Variants in FMR1 observed in about 807,000 individuals in gnomAD.
The protein encoded by FMR1 is FMRP translational regulator 1.
A neutral mutation model predicts 50.6 loss-of-function variants in FMR1; 13 were observed. The observed-to-expected ratio is 0.26, with a 90% CI of 0.17 to 0.41. The LOEUF is 0.41. FMR1 is among the 10% of genes least tolerant of loss of function. The pLI is 1.00. For missense variants in FMR1, 316 were observed against 491.3 expected (o/e 0.64, Z 3.37); for synonymous variants, 138 against 164.1 (o/e 0.84, Z 1.22).
In FMR1 at chrX:147,913,436, G is replaced by T. The variant is rs980481056; in HGVS notation, c.51+1206G>T. ...TTACTACAGTATTTTGGCAATAGAA[G>T]GTGCGTGTGGAAGGAAGGCTGGAAA... On this transcript the variant is annotated intron_variant, in intron 1 of 16. Transcript: ENST00000370475. The T allele has an allele frequency of 2.7e-5, 3 of 111,815 alleles. No individual in the cohort carries two copies. The East Asian group carries it at 8.4e-4, about 31-fold the overall frequency. The allele number at this position is 111,815 out of a possible 1,213,427, so 9.2% of individuals were successfully genotyped here. A position where few individuals can be genotyped will look rare whatever the true frequency, so the allele number is the denominator to read the frequency against.
intron 3 of FMR1, chrX:147,927,602 C>CT (rs1444560393): frequency 9.0e-6 from 1 of 111,283 alleles, no homozygotes; most frequent in East Asian, 2.8e-4. Context: ...ACTCTGTTGT[C>CT]TCTTTTCCTA....
At chrX:147,920,368 G>A (rs1333695007) in intron 1 of FMR1, among the ~76,000 whole-genome samples, 1 of 111,627 alleles carries the variant, frequency 9.0e-6, no homozygotes, top group African/African-American at 3.3e-5. Flanking sequence ...AAACCTTTAT[G>A]CCTGCTGCCC....
chrX:147,949,177 C>T lies in FMR1; in HGVS notation c.*333C>T, dbSNP rs1557182853. 2.7e-6 allele frequency: 1 copy of T among 367,257 alleles called. No homozygotes were observed. The highest frequency in any genetic ancestry group is 3.0e-5 in the Admixed American group (1 of 33,294). 30.3% of individuals were successfully genotyped at this position (367,257 alleles called of 1,213,427 possible). On this transcript the variant is annotated 3_prime_UTR_variant, in exon 17 of 17. Coordinates refer to ENST00000370475, the MANE Select transcript of FMR1 (RefSeq NM_002024.6). Reference sequence around the variant, plus strand: ...TGCATTGGGTGATCATTCACCAGTACATTCTCAGTTTTTCTTAATATATAG... The same window carrying T: ...TGCATTGGGTGATCATTCACCAGTATATTCTCAGTTTTTCTTAATATATAG...
intron 7 of FMR1, among the ~76,000 whole-genome samples, chrX:147,931,562 GA>G (rs1362349038): frequency 3.6e-5 from 4 of 111,658 alleles, no homozygotes; most frequent in Admixed American, 1.9e-4. Context: ...GTTCCTATAA[GA>G]AATTCCCATT....
chrX:147,940,388 T>C, intron 12 of FMR1, 188 bp from the exon 13 acceptor site: 1 of 437,054 alleles, frequency 2.3e-6, no homozygotes, highest in Non-Finnish European at 4.1e-6. Flanking sequence ...GATCTATTCG[T>C]ATTCACAGTA....
At chrX:147,918,501 ACT>A (rs1412338806) in intron 1 of FMR1, among the ~76,000 whole-genome samples, 1 of 96,483 alleles carries the variant, frequency 1.0e-5, no homozygotes, top group African/African-American at 4.0e-5. Flanking sequence ...CATTTCTGAC[ACT>A]CTGACACTAC....
intron 14 of FMR1, chrX:147,943,633 G>T: frequency 3.6e-6 from 1 of 276,242 alleles, no homozygotes; most frequent in Non-Finnish European, 6.4e-6. Flanking sequence ...TTTTTCATTT[G>T]TGTACTGTGG....
rs1557183316 is a variant in FMR1, at chrX:147,950,199, C to T, written c.*1355C>T. The T allele has an allele frequency of 3.0e-6, 1 of 328,373 alleles. No individual in the cohort carries two copies. Among genetic ancestry groups the T allele is most frequent in the Non-Finnish European group, 5.9e-6 (1 of 169,626 alleles). The allele number at this position is 328,373 out of a possible 1,213,427, so 27.1% of individuals were successfully genotyped here. A position where few individuals can be genotyped will look rare whatever the true frequency, so the allele number is the denominator to read the frequency against. Reference sequence around the variant, plus strand: ...GGGGTACCACTGAATCTGTACAGAGCCGTAAAAACTGAAGTTCTGCCTCTG... The same window carrying T: ...GGGGTACCACTGAATCTGTACAGAGTCGTAAAAACTGAAGTTCTGCCTCTG... On this transcript the variant is annotated 3_prime_UTR_variant, in exon 17 of 17. Coordinates refer to ENST00000370475, the MANE Select transcript of FMR1 (RefSeq NM_002024.6).
Position 147,948,909 on chromosome X carries a change from CT to C in FMR1, c.*68del. The stretch of plus-strand genomic sequence containing the variant: ...GTAATTCTTATTCCATATTAGAAAA[CT>C]TTGTTAGGCCAAAGACAAATAGTAG... On this transcript the variant is annotated 3_prime_UTR_variant, in exon 17 of 17. Coordinates refer to ENST00000370475, the MANE Select transcript of FMR1 (RefSeq NM_002024.6). 9.4e-7 allele frequency: 1 copy of C among 1,068,379 alleles called. No homozygotes were observed. Among genetic ancestry groups the C allele is most frequent in the African/African-American group, 1.8e-5 (1 of 54,979 alleles). 88.0% of individuals were successfully genotyped at this position (1,068,379 alleles called of 1,213,427 possible).
At chrX:147,943,057 T>G in intron 13 of FMR1, 74 bp from the exon 14 acceptor site, 1 of 855,906 alleles carries the variant, frequency 1.2e-6, no homozygotes, top group Non-Finnish European at 1.7e-6. Flanking sequence ...TATTTTTATC[T>G]GATGAAAAGG....
intron 1 of FMR1, among the ~76,000 whole-genome samples, chrX:147,918,298 C>A (rs782153482): frequency 9.0e-6 from 1 of 111,722 alleles, no homozygotes; most frequent in Non-Finnish European, 1.9e-5. Flanking sequence ...TTGTCCTTCA[C>A]GCGAGTGTAG....
chrX:147,914,773 T>G (rs2042765859), intron 1 of FMR1, among the ~76,000 whole-genome samples: 1 of 112,173 alleles, frequency 8.9e-6, no homozygotes, highest in Admixed American at 9.5e-5. Flanking sequence ...GCACTTTGAC[T>G]TACACCTCAT....
chrX:147,933,414 A>C, intron 9 of FMR1: 1 of 973,895 alleles, frequency 1.0e-6, no homozygotes, highest in African/African-American at 2.0e-5. Flanking sequence ...TGAAGATCTG[A>C]ACATAGGTTA....
chrX:147,940,174 AAAAAACAAAAAAGAAAAAAAAAAAAG>A (rs1648587391), intron 12 of FMR1: 2 of 112,893 alleles, frequency 1.8e-5, no homozygotes, highest in Non-Finnish European at 3.6e-5. Context: ...AAAAAAAAAA[AAAAAACAAAAAAGAAAAAAAAAAAAG>A]AAAAAATTTT....
chrX:147,932,912 ATTAT>A (rs782714184), intron 9 of FMR1, 149 bp downstream of exon 9: 90 of 455,886 alleles, frequency 2.0e-4, no homozygotes, highest in African/African-American at 1.4e-3. Flanking sequence ...CTTTTTTTTT[ATTAT>A]TTAAGTTTTA....
At chrX:147,938,272 T>G in intron 12 of FMR1, 111 bp downstream of exon 12, 1 of 646,538 alleles carries the variant, frequency 1.5e-6, no homozygotes, top group Non-Finnish European at 2.6e-6. Flanking sequence ...GAGGGAGGAG[T>G]GTTTGTGGGT....
At chrX:147,947,851 A>G (rs1031333278) in intron 16 of FMR1, among the ~76,000 whole-genome samples, 7 of 112,619 alleles carry the variant, frequency 6.2e-5, no homozygotes. Flanking sequence ...CTTGAAGTAG[A>G]TCAATATTTG....
intron 1 of FMR1, among the ~76,000 whole-genome samples, chrX:147,921,201 A>G (rs1222489126): frequency 8.9e-6 from 1 of 111,900 alleles, no homozygotes; most frequent in Non-Finnish European, 1.9e-5. Flanking sequence ...CCTTTTCTGT[A>G]CCTATTAAAA....
rs1161826900 is a variant in FMR1 at position 147,949,863 on chromosome X, A to G, written c.*1019A>G. On this transcript the variant is annotated 3_prime_UTR_variant, in exon 17 of 17. Transcript: ENST00000370475. ...AATTTCAAGCTTATTTTGGAGAGAT[A>G]GGAAGGTCATTTCCATGTATGCATA... 1 of 325,294 alleles carries G rather than the reference A, an allele frequency of 3.1e-6. No individual in the cohort carries two copies. The highest frequency in any genetic ancestry group is 5.9e-6 in the Non-Finnish European group (1 of 169,060). 26.8% of individuals were successfully genotyped at this position (325,294 alleles called of 1,213,427 possible). A position where few individuals can be genotyped will look rare whatever the true frequency, so the allele number is the denominator to read the frequency against.
Sources: allele counts gnomAD v4.1 joint callset (sites outside exome capture counted in the v4.1 genomes callset), GRCh38; gene constraint gnomAD v4.1.1; transcripts MANE v1.5; gene names NCBI Gene and HGNC (gene_info 2026-07-23, HGNC 2026-07-21).